The following DIP2B variants were observed in gnomAD, a reference collection of about 807,000 sequenced individuals.
DIP2B encodes the protein DIP2 acetate--CoA ligase B (putative).
DIP2B carries 76 observed loss-of-function variants against 198.0 expected under a neutral mutation model. The observed-to-expected ratio is 0.38, with a 90% CI of 0.32 to 0.46. The LOEUF is 0.46. Among genes scored for constraint, DIP2B ranks in the 20% least tolerant of loss-of-function variants. The pLI, the probability that DIP2B is intolerant of heterozygous loss-of-function variation, is 0.99. For missense variants in DIP2B, 1,559 were observed against 1,978.4 expected, an observed-to-expected ratio of 0.79 and a Z score of 4.02; for synonymous variants, 701 against 739.1, an observed-to-expected ratio of 0.95 and a Z score of 0.84.
chr12:50,545,117 A>G (rs1378081698), intron 1 of DIP2B, among the ~76,000 whole-genome samples: 1 of 151,926 alleles, frequency 6.6e-6, no homozygotes, highest in African/African-American at 2.4e-5. Flanking sequence ...AATGTTTTGT[A>G]TATGTTTTGT....
intron 1 of DIP2B, among the ~76,000 whole-genome samples, chr12:50,524,464 A>C (rs1419167472): frequency 6.6e-6 from 1 of 152,036 alleles, no homozygotes; most frequent in Non-Finnish European, 1.5e-5. Context: ...ATTGTGCTTC[A>C]GCCACATTGG....
rs928941428 is a variant in DIP2B, at chr12:50,748,226, T to C, written c.*3387T>C. 1 of 152,666 alleles carries C rather than the reference T, an allele frequency of 6.6e-6. No homozygotes were observed. Among genetic ancestry groups the C allele is most frequent in the African/African-American group, 2.4e-5 (1 of 41,458 alleles). The allele number at this position is 152,666 out of a possible 1,614,324, so 9.5% of individuals were successfully genotyped here. On this transcript the variant is annotated 3_prime_UTR_variant, in exon 38 of 38. Coordinates refer to ENST00000301180, the MANE Select transcript of DIP2B (RefSeq NM_173602.3). ...TTTAGTCTAAAGCAATGAGGAGTTA[T>C]CACCTCATCCTCAAACTCCAACAAG...
chr12:50,743,275 G>A (rs867983638), intron 37 of DIP2B, among the ~76,000 whole-genome samples: 9 of 152,272 alleles, frequency 5.9e-5, no homozygotes, highest in African/African-American at 1.2e-4. Context: ...TAGAGACGGG[G>A]TTTCACCATA....
chr12:50,741,574 C>G (rs1291095569), intron 37 of DIP2B, 35 bp downstream of exon 37: 2 of 1,592,554 alleles, frequency 1.3e-6, no homozygotes, highest in South Asian at 2.3e-5. Context: ...CTTCCCACTT[C>G]AGCTTTAGTC....
intron 4 of DIP2B, among the ~76,000 whole-genome samples, chr12:50,665,375 C>T (rs548566593): frequency 6.6e-6 from 1 of 152,244 alleles, no homozygotes; most frequent in Non-Finnish European, 1.5e-5. Flanking sequence ...TGCCCCAGGT[C>T]AAATAGCAAT....
chr12:50,697,533 CTTTTT>C (rs11306905), intron 17 of DIP2B, among the ~76,000 whole-genome samples: 6 of 45,970 alleles, frequency 1.3e-4, no homozygotes, highest in South Asian at 1.2e-3. Context: ...TATAGATATA[CTTTTT>C]TTTTTTTTTT....
chr12:50,735,227 C>A, intron 34 of DIP2B, 97 bp downstream of exon 34: 4 of 1,371,828 alleles, frequency 2.9e-6, no homozygotes, highest in South Asian at 1.2e-5. Context: ...GTGTCCAGGG[C>A]AAGCCTTAAT....
intron 1 of DIP2B, among the ~76,000 whole-genome samples, chr12:50,547,298 T>G (rs1399012567): frequency 3.9e-5 from 6 of 152,220 alleles, no homozygotes; most frequent in African/African-American, 1.4e-4. Flanking sequence ...TAGAGTAATT[T>G]AAAAATACTT....
intron 1 of DIP2B, among the ~76,000 whole-genome samples, chr12:50,611,505 T>C (rs1959031754): frequency 6.6e-6 from 1 of 152,192 alleles, no homozygotes; most frequent in Admixed American, 6.5e-5. Context: ...TTAAAAATAG[T>C]AACCACCAGC....
chr12:50,518,298 C>T (rs371091326), intron 1 of DIP2B, among the ~76,000 whole-genome samples: 2 of 151,204 alleles, frequency 1.3e-5, no homozygotes, highest in African/African-American at 4.9e-5. Context: ...GACCTCAGCT[C>T]GCTGCAAGCT....
intron 1 of DIP2B, among the ~76,000 whole-genome samples, chr12:50,533,133 A>G (rs1294504404): frequency 6.6e-6 from 1 of 152,250 alleles, no homozygotes; most frequent in Non-Finnish European, 1.5e-5. Context: ...CAGGTTTTAC[A>G]TAGAATTAAT....
At position 50,686,582 on chromosome 12, in the gene DIP2B, G is replaced by A. The variant is rs1411593406; in HGVS notation, c.1451G>A (p.Arg484Gln). The change falls in exon 12 of 38, where the codon CGG (arginine) becomes CAG (glutamine). Residue 484 changes from arginine to glutamine, a missense_variant. Coordinates refer to ENST00000301180, the MANE Select transcript of DIP2B (RefSeq NM_173602.3). Reference sequence around the variant, plus strand: ...TTTGGGTTTGATTTAGGTTGGCCCCGGCTCAAATGGGTTGTAACAGATTCC... The same window carrying A: ...TTTGGGTTTGATTTAGGTTGGCCCCAGCTCAAATGGGTTGTAACAGATTCC... ...GEIVQFKGWP[R>Q]LKWVVTDSKY... The A allele has an allele frequency of 3.1e-6, 5 of 1,613,858 alleles. No homozygotes were observed. The highest frequency in any genetic ancestry group is 1.1e-5 in the South Asian group (1 of 91,022).
chr12:50,648,706 C>G (rs189064261), intron 3 of DIP2B, among the ~76,000 whole-genome samples: 21 of 151,428 alleles, frequency 1.4e-4, no homozygotes, highest in East Asian at 7.7e-4. Context: ...TTCCCCCCCC[C>G]CTCCTTACTT....
In DIP2B at chr12:50,704,230, GC is replaced by G; in HGVS notation, c.2406+11del. The G allele has an allele frequency of 6.2e-7, 1 of 1,606,012 alleles. No homozygotes were observed. Among genetic ancestry groups the G allele is most frequent in the Non-Finnish European group, 8.5e-7 (1 of 1,177,874 alleles). The stretch of plus-strand genomic sequence containing the variant: ...GGGGTTTGTAGGGCCGGTAAGTGAT[GC>G]TTTCATGTTGATTTTGTTACATTTG... On this transcript the variant is annotated intron_variant, in intron 20 of 37. Transcript: ENST00000301180.
At chr12:50,593,705 C>T in intron 1 of DIP2B, among the ~76,000 whole-genome samples, 1 of 46,452 alleles carries the variant, frequency 2.2e-5, no homozygotes, top group Non-Finnish European at 4.0e-5. Context: ...CCTCTCCTCT[C>T]CCCTCCTCTC....
At chr12:50,577,801 A>C (rs936650069) in intron 1 of DIP2B, among the ~76,000 whole-genome samples, 1 of 149,878 alleles carries the variant, frequency 6.7e-6, no homozygotes, top group African/African-American at 2.4e-5. Flanking sequence ...AGTAAAATTA[A>C]AAAAAAAAAT....
At chr12:50,549,881 G>C (rs1336649963) in intron 1 of DIP2B, among the ~76,000 whole-genome samples, 1 of 151,726 alleles carries the variant, frequency 6.6e-6, no homozygotes, top group Non-Finnish European at 1.5e-5. Flanking sequence ...TTCTTTTTTA[G>C]ATAGAGATTT....
chr12:50,642,588 C>T (rs896004315), intron 3 of DIP2B, among the ~76,000 whole-genome samples: 4 of 152,106 alleles, frequency 2.6e-5, no homozygotes, highest in Admixed American at 2.0e-4. Flanking sequence ...GAGTTCGAGA[C>T]CATCCTGGCT....
At chr12:50,723,070 G>A (rs190390289) in intron 26 of DIP2B, 132 bp from the exon 27 acceptor site, 19 of 1,025,268 alleles carry the variant, frequency 1.9e-5, no homozygotes, top group Middle Eastern at 6.6e-4. Context: ...CTTCTGCTAG[G>A]GTCTTTGTTA....
Sources: allele counts gnomAD v4.1 joint callset (sites outside exome capture counted in the v4.1 genomes callset), GRCh38; gene constraint gnomAD v4.1.1; transcripts MANE v1.5; gene names NCBI Gene and HGNC (gene_info 2026-07-23, HGNC 2026-07-21).